MDGA2: variants seen among roughly 807,000 people sequenced by gnomAD.
The protein encoded by MDGA2 is MAM domain-containing glycosylphosphatidylinositol anchor protein 2.
A neutral mutation model predicts 117.8 loss-of-function variants in MDGA2; 40 were observed. The ratio of observed to expected loss-of-function variants is 0.34; its 90% CI spans 0.26 to 0.44. The LOEUF (loss-of-function observed/expected upper bound fraction) is 0.44. Ranked by LOEUF, MDGA2 falls within the 20% of genes least tolerant of loss-of-function variation. The pLI is 1.00. For synonymous variants in MDGA2, 452 were observed against 439.0 expected, an observed-to-expected ratio of 1.03 and a Z score of -0.37; for missense variants, 1,123 against 1,250.6, an observed-to-expected ratio of 0.90 and a Z score of 1.54.
intron 7 of MDGA2, among the ~76,000 whole-genome samples, chr14:47,041,224 T>C (rs890627733): frequency 6.6e-6 from 1 of 152,072 alleles, no homozygotes; most frequent in African/African-American, 2.4e-5. Flanking sequence ...TTCTCTTTTT[T>C]CTTTCATTTA....
chr14:47,424,082 G>A (rs1892635812), intron 1 of MDGA2, among the ~76,000 whole-genome samples: 1 of 152,084 alleles, frequency 6.6e-6, no homozygotes, highest in Admixed American at 6.5e-5. Context: ...CAAAGTGCTA[G>A]GATTATAGGC....
At chr14:47,476,963 A>T (rs1200201068) in intron 1 of MDGA2, among the ~76,000 whole-genome samples, 1 of 151,978 alleles carries the variant, frequency 6.6e-6, no homozygotes, top group Non-Finnish European at 1.5e-5. Flanking sequence ...GGAGTTCGAG[A>T]TCAGCCTGAC....
chr14:47,441,896 G>C (rs1028255807), intron 1 of MDGA2, among the ~76,000 whole-genome samples: 13 of 152,180 alleles, frequency 8.5e-5, no homozygotes, highest in African/African-American at 3.1e-4. Context: ...GATAGAATCA[G>C]TGTCAAATGC....
At chr14:47,267,202 A>T (rs1365892502) in intron 2 of MDGA2, among the ~76,000 whole-genome samples, 4 of 152,152 alleles carry the variant, frequency 2.6e-5, no homozygotes, top group African/African-American at 9.7e-5. Flanking sequence ...CTCCACTTTG[A>T]TCTCAAAATA....
At chr14:47,291,771 G>C (rs1012646745) in intron 2 of MDGA2, among the ~76,000 whole-genome samples, 1 of 152,174 alleles carries the variant, frequency 6.6e-6, no homozygotes, top group African/African-American at 2.4e-5. Context: ...GATTTCTGCT[G>C]AATGCTTATG....
At chr14:47,585,564 G>C (rs577351771) in intron 1 of MDGA2, among the ~76,000 whole-genome samples, 1 of 151,974 alleles carries the variant, frequency 6.6e-6, no homozygotes, top group South Asian at 2.1e-4. Context: ...GATATTGACA[G>C]TTAAGAGTCT....
At chr14:47,252,894 C>T (rs1032043613) in intron 2 of MDGA2, among the ~76,000 whole-genome samples, 1 of 152,114 alleles carries the variant, frequency 6.6e-6, no homozygotes. Context: ...TTAAGCGTGG[C>T]TGGGGAGGCC....
intron 1 of MDGA2, among the ~76,000 whole-genome samples, chr14:47,656,991 A>C (rs1897757113): frequency 6.6e-6 from 1 of 152,142 alleles, no homozygotes; most frequent in Non-Finnish European, 1.5e-5. Context: ...TTACTCTTAG[A>C]ATCCTCACAC....
At chr14:47,469,667 C>T (rs1192721495) in intron 1 of MDGA2, among the ~76,000 whole-genome samples, 1 of 151,946 alleles carries the variant, frequency 6.6e-6, no homozygotes, top group East Asian at 1.9e-4. Flanking sequence ...GGGTATATAC[C>T]CAGTAATGGG....
At chr14:46,932,430 T>C (rs1566531970) in intron 9 of MDGA2, among the ~76,000 whole-genome samples, 3 of 152,146 alleles carry the variant, frequency 2.0e-5, no homozygotes, top group Non-Finnish European at 4.4e-5. Context: ...TAAAAATATA[T>C]ACTTGAAAAG....
chr14:47,035,234 C>T lies in MDGA2; in HGVS notation c.1596G>A (p.Leu532=), dbSNP rs1485890179. 2 of 1,614,016 alleles carry T rather than the reference C, an allele frequency of 1.2e-6. No homozygotes were observed. Among genetic ancestry groups the T allele is most frequent in the East Asian group, 2.2e-5 (1 of 44,878 alleles). ...TAGGTTTGCCAGTTACTTGACATTG[C>T]AGTTCTATTGTGTCTCCTTCTCTGG... ...LVTREGDTIE[L]QCQVTGKPKP... is the part of the protein sequence containing the mutation. The change falls in exon 8 of 17, where the codon CTG becomes CTA. Residue 532 remains leucine (L), a synonymous_variant. Coordinates refer to ENST00000399232, the MANE Select transcript of MDGA2 (RefSeq NM_001113498.3).
Position 47,058,697 on chromosome 14 carries a change from T to A in MDGA2, c.1525+2552A>T, listed in dbSNP as rs999425587. ...AGAACTTTATACTGCATTCTAGTAT[T>A]CCACTCTATTGTAAGCAAATTGGAA... is the stretch of plus-strand genomic sequence containing the variant. On this transcript the variant is annotated intron_variant, in intron 7 of 16. Transcript: ENST00000399232. 3.0e-6 allele frequency: 3 copies of A among 985,260 alleles called. No individual in the cohort carries two copies. In the African/African-American group the frequency reaches 5.2e-5, roughly 17 times the overall value. The allele number at this position is 985,260 out of a possible 1,614,324, so 61.0% of individuals were successfully genotyped here.
chr14:47,138,133 T>A (rs1421739952), intron 4 of MDGA2, among the ~76,000 whole-genome samples: 1 of 152,194 alleles, frequency 6.6e-6, no homozygotes, highest in Non-Finnish European at 1.5e-5. Flanking sequence ...TAGATTAATG[T>A]TATCAAATGG....
rs558720823 is a variant in MDGA2, at chr14:47,372,131, G to C, written c.281-70581C>G. Among the ~76,000 whole-genome samples, 10 of 151,856 alleles carry C rather than the reference G, an allele frequency of 6.6e-5. No individual in the cohort carries two copies. The East Asian group carries it at 1.4e-3, about 21-fold the overall frequency. ...TGTCCTTTGTATAAACATAGTATTA[G>C]TTGAAATGCACTTAAGAAATGCTTT... On this transcript the variant is annotated intron_variant, in intron 1 of 16. Coordinates refer to ENST00000399232, the MANE Select transcript of MDGA2 (RefSeq NM_001113498.3).
intron 10 of MDGA2, among the ~76,000 whole-genome samples, chr14:46,898,874 A>G (rs1303951087): frequency 6.6e-6 from 1 of 152,096 alleles, no homozygotes; most frequent in Non-Finnish European, 1.5e-5. Context: ...GAAACAGTAT[A>G]AAAATATTAG....
intron 1 of MDGA2, among the ~76,000 whole-genome samples, chr14:47,566,155 C>A (rs1293168182): frequency 2.6e-5 from 4 of 152,162 alleles, no homozygotes; most frequent in Non-Finnish European, 5.9e-5. Context: ...TGAAGTAACA[C>A]GGGCAGCTGT....
At chr14:47,198,892 TAATC>T (rs1341042044) in intron 3 of MDGA2, among the ~76,000 whole-genome samples, 1 of 152,198 alleles carries the variant, frequency 6.6e-6, no homozygotes, top group Non-Finnish European at 1.5e-5. Flanking sequence ...ACTAATATCT[TAATC>T]AATAAACGCT....
chr14:47,016,229 A>G (rs922381368), intron 8 of MDGA2, among the ~76,000 whole-genome samples: 1 of 152,068 alleles, frequency 6.6e-6, no homozygotes, highest in African/African-American at 2.4e-5. Flanking sequence ...AGCCATTTAA[A>G]AAATGGTGAG....
At chr14:46,976,396 C>T (rs1183673307) in intron 8 of MDGA2, among the ~76,000 whole-genome samples, 1 of 151,940 alleles carries the variant, frequency 6.6e-6, no homozygotes, top group East Asian at 1.9e-4. Flanking sequence ...TGAAAAAGGA[C>T]AGAGACATCA....
Sources: gnomAD v4.1 joint callset for allele counts (sites outside exome capture counted in the v4.1 genomes callset) on GRCh38, gnomAD v4.1.1 for gene constraint, MANE v1.5 for transcripts, NCBI Gene and HGNC (gene_info 2026-07-23, HGNC 2026-07-21) for gene names.